The following MAPK14 variants were observed in gnomAD, a reference collection of about 807,000 sequenced individuals.
MAPK14 encodes CSAID-binding protein.
A neutral mutation model predicts 49.6 loss-of-function variants in MAPK14; 16 were observed. The ratio of observed to expected loss-of-function variants is 0.32; its 90% CI spans 0.22 to 0.49. The LOEUF is 0.49. Ranked by LOEUF, MAPK14 falls within the 20% of genes least tolerant of loss-of-function variation. The pLI is 0.99. For missense variants in MAPK14, 200 were observed against 441.2 expected (o/e 0.45, Z 4.90); for synonymous variants, 142 against 158.0 (o/e 0.90, Z 0.76).
chr6:36,092,457 A>T (rs1013097394), intron 8 of MAPK14: 1 of 653,710 alleles, frequency 1.5e-6, no homozygotes, highest in Non-Finnish European at 2.9e-6. Flanking sequence ...CAGCACAGGG[A>T]TGACCGCTAC....
chr6:36,092,437 G>A (rs1765273420), intron 8 of MAPK14: 3 of 664,402 alleles, frequency 4.5e-6, no homozygotes, highest in Admixed American at 3.6e-5. Flanking sequence ...TCGTAGTGAA[G>A]CGTTCTCTGC....
intron 1 of MAPK14, among the ~76,000 whole-genome samples, chr6:36,041,137 G>T (rs1762945898): frequency 6.6e-6 from 1 of 151,818 alleles, no homozygotes; most frequent in African/African-American, 2.4e-5. Flanking sequence ...AATTATCATT[G>T]CTACTGCTTT....
intron 5 of MAPK14, 77 bp from the exon 6 acceptor site, chr6:36,073,972 C>G: frequency 9.1e-7 from 1 of 1,099,184 alleles, no homozygotes; most frequent in South Asian, 1.3e-5. Context: ...ATGTCTGGAT[C>G]CTCATTATTA....
intron 1 of MAPK14, among the ~76,000 whole-genome samples, chr6:36,045,392 A>C (rs1050153955): frequency 6.6e-6 from 1 of 152,104 alleles, no homozygotes; most frequent in African/African-American, 2.4e-5. Flanking sequence ...AGCTCTCCTG[A>C]GTACCTGGTT....
At chr6:36,049,866 T>A (rs1464518416) in intron 1 of MAPK14, among the ~76,000 whole-genome samples, 1 of 152,128 alleles carries the variant, frequency 6.6e-6, no homozygotes, top group African/African-American at 2.4e-5. Flanking sequence ...TTCTTAGTTA[T>A]AGCAAGAGGG....
rs532749099 is a variant in MAPK14, at chr6:36,096,187, C to T, written c.762+121C>T. On this transcript the variant is annotated intron_variant, in intron 9 of 11. Coordinates refer to ENST00000229794, the MANE Select transcript of MAPK14 (RefSeq NM_139012.3). The stretch of plus-strand genomic sequence containing the variant: ...ACATGCCCTTTGTGTGCTGACTTCC[C>T]GGATGAGTGAGGTATAAGACAGTGT... 116 of 678,948 alleles carry T rather than the reference C, an allele frequency of 1.7e-4. No homozygotes were observed. In the South Asian group the frequency reaches 1.7e-3, roughly 10 times the overall value. The allele number at this position is 678,948 out of a possible 1,614,324, so 42.1% of individuals were successfully genotyped here. A position where few individuals can be genotyped will look rare whatever the true frequency, so the allele number is the denominator to read the frequency against.
chr6:36,054,645 C>T (rs933197414), intron 2 of MAPK14, among the ~76,000 whole-genome samples: 8 of 152,204 alleles, frequency 5.3e-5, no homozygotes, highest in African/African-American at 1.9e-4. Flanking sequence ...AAAGACTTGA[C>T]TCAATGTAGA....
chr6:36,045,808 C>CAA (rs371920281), intron 1 of MAPK14, among the ~76,000 whole-genome samples: 174 of 45,982 alleles, frequency 3.8e-3, no homozygotes, highest in East Asian at 5.3e-3. Flanking sequence ...GACTCTGTCT[C>CAA]AAAAAAAAAA....
chr6:36,052,729 T>C lies in MAPK14; in HGVS notation c.147T>C (p.Arg49=). Residue 49 remains arginine, a synonymous_variant, in exon 2 of 12, where the codon CGT becomes CGC. Transcript: ENST00000229794. The part of the protein sequence containing the change: ...CAAFDTKTGL[R]VAVKKLSRPF... ...CTTTTGACACAAAAACGGGGTTACG[T>C]GTGGCAGTGAAGAAGCTCTCCAGAC... 4 of 1,612,206 alleles carry C rather than the reference T, an allele frequency of 2.5e-6. No homozygotes were observed. The highest frequency in any genetic ancestry group is 3.4e-6 in the Non-Finnish European group (4 of 1,179,202).
chr6:36,094,799 G>A (rs1255591416), intron 8 of MAPK14, among the ~76,000 whole-genome samples: 8 of 152,186 alleles, frequency 5.3e-5, no homozygotes, highest in Non-Finnish European at 1.2e-4. Context: ...AGCAAATAAA[G>A]TAATTCTAGG....
intron 8 of MAPK14, among the ~76,000 whole-genome samples, chr6:36,084,398 C>T (rs1764894176): frequency 6.6e-6 from 1 of 152,146 alleles, no homozygotes; most frequent in African/African-American, 2.4e-5. Flanking sequence ...TAATGAATTT[C>T]ACTGAGCTAA....
intron 8 of MAPK14, among the ~76,000 whole-genome samples, chr6:36,089,220 C>T (rs762339645): frequency 1.3e-5 from 2 of 152,074 alleles, no homozygotes; most frequent in African/African-American, 4.8e-5. Context: ...ATACTATACA[C>T]CCATAAAAAT....
At chr6:36,060,394 C>T (rs1244297465) in intron 3 of MAPK14, among the ~76,000 whole-genome samples, 2 of 152,178 alleles carry the variant, frequency 1.3e-5, no homozygotes, top group African/African-American at 4.8e-5. Flanking sequence ...ACACAGCTCT[C>T]CCTGCCCCCA....
In MAPK14 at chr6:36,028,450, C is replaced by CA. The variant is rs1193607626; in HGVS notation, c.116+178dup. Among the ~76,000 whole-genome samples, 2 of 152,252 alleles carry CA rather than the reference C, an allele frequency of 1.3e-5. No homozygotes were observed. Among genetic ancestry groups the CA allele is most frequent in the Middle Eastern group, 3.2e-3 (1 of 316 alleles). On this transcript the variant is annotated intron_variant, in intron 1 of 11. Coordinates refer to ENST00000229794, the MANE Select transcript of MAPK14 (RefSeq NM_139012.3). The surrounding 1 kb of genome is among the most constrained non-coding windows in gnomAD (Gnocchi z 5.1). ...CCTCCAGCACCCCTCGCCCTGCACT[C>CA]ACGCAGGTATGCGGTCCACCGTGTG...
At position 36,051,566 on chromosome 6, in the gene MAPK14, C is replaced by CAGCATG. The variant is rs201802962; in HGVS notation, c.117-1132_117-1127dup. Among the ~76,000 whole-genome samples the CAGCATG allele has an allele frequency of 2.8e-3, 430 of 152,262 alleles. 4 individuals carry two copies. Among genetic ancestry groups the CAGCATG allele is most frequent in the African/African-American group, 9.7e-3 (404 of 41,554 alleles). ...CTTTCTGTCTTTCTGTCACTCACTC[C>CAGCATG]AGCATGCCATACGTTTCCTACCTCT... On this transcript the variant is annotated intron_variant, in intron 1 of 11. Coordinates refer to ENST00000229794, the MANE Select transcript of MAPK14 (RefSeq NM_139012.3).
At chr6:36,033,303 C>T (rs992145167) in intron 1 of MAPK14, among the ~76,000 whole-genome samples, 1 of 149,312 alleles carries the variant, frequency 6.7e-6, no homozygotes, top group African/African-American at 2.4e-5. Context: ...ATTTTATTAT[C>T]AAATCCCATT....
Position 36,108,632 on chromosome 6 carries a change from A to G in MAPK14, c.*185A>G, listed in dbSNP as rs957451625. 4.9e-6 allele frequency: 3 copies of G among 610,128 alleles called. No individual in the cohort carries two copies. The highest frequency in any genetic ancestry group is 8.9e-6 in the Non-Finnish European group (3 of 336,708). 37.8% of individuals were successfully genotyped at this position (610,128 alleles called of 1,614,324 possible). A position where few individuals can be genotyped will look rare whatever the true frequency, so the allele number is the denominator to read the frequency against. ...TGTGTGTCTGTCTTTGTGGGAGGGT[A>G]AGACAATATGAACAAACTATGATCA... On this transcript the variant is annotated 3_prime_UTR_variant, in exon 12 of 12. Transcript: ENST00000229794.
At chr6:36,065,392 A>T (rs571780012) in intron 3 of MAPK14, among the ~76,000 whole-genome samples, 1 of 152,162 alleles carries the variant, frequency 6.6e-6, no homozygotes, top group African/African-American at 2.4e-5. Context: ...GTCTTCAGGA[A>T]AGCCTCTGCA....
intron 9 of MAPK14, chr6:36,100,131 G>A (rs1581846728): frequency 7.8e-7 from 1 of 1,286,282 alleles, no homozygotes; most frequent in African/African-American, 1.5e-5. Context: ...AAAAACTTGA[G>A]TTGAAAATTA....
Sources: gnomAD v4.1 joint callset for allele counts (sites outside exome capture counted in the v4.1 genomes callset) on GRCh38, gnomAD v4.1.1 for gene constraint, Gnocchi (gnomAD v3.1) non-coding constraint, MANE v1.5 for transcripts, NCBI Gene and HGNC (gene_info 2026-07-23, HGNC 2026-07-21) for gene names.